The following LGR6 variants were observed in gnomAD, a reference collection of about 807,000 sequenced individuals.
The protein encoded by LGR6 is leucine-rich repeat-containing G protein-coupled receptor 6.
A neutral mutation model predicts 69.4 loss-of-function variants in LGR6; 45 were observed. The ratio of observed to expected loss-of-function variants is 0.65; its 90% CI spans 0.51 to 0.83. The LOEUF (loss-of-function observed/expected upper bound fraction) is 0.83. LGR6 is among the 40% of genes least tolerant of loss of function. LGR6 has a pLI of 0.00. For missense variants in LGR6, 1,108 were observed against 1,246.7 expected (o/e 0.89, Z 1.68); for synonymous variants, 538 against 555.0 (o/e 0.97, Z 0.43).
At position 202,230,874 on chromosome 1, in the gene LGR6, A is replaced by G. The variant is rs185573298; in HGVS notation, c.356+2867A>G. 1.2e-3 allele frequency among the ~76,000 whole-genome samples: 181 copies of G among 152,108 alleles called. 1 individual carries two copies. In the South Asian group the frequency reaches 0.021, roughly 17 times the overall value. ...TCCTGCTGGGCTTCAGTTGCTTCTT[A>G]CCAGGCCCAGATCTGGGAAACTGGG... On this transcript the variant is annotated intron_variant, in intron 3 of 17. Coordinates refer to ENST00000367278, the MANE Select transcript of LGR6 (RefSeq NM_001017403.2).
intron 1 of LGR6, among the ~76,000 whole-genome samples, chr1:202,204,374 C>CCA (rs763825102): frequency 3.3e-4 from 35 of 107,206 alleles, no homozygotes; most frequent in African/African-American, 1.0e-3. Flanking sequence ...ACACACACCT[C>CCA]CACACACACA....
In LGR6 at chr1:202,267,975, A is replaced by G. The variant is rs553469344; in HGVS notation, c.429-8331A>G. On this transcript the variant is annotated intron_variant, in intron 4 of 17. Coordinates refer to ENST00000367278, the MANE Select transcript of LGR6 (RefSeq NM_001017403.2). Reference sequence around the variant, plus strand: ...AGGGATGTGGGGGCAGTAGGGCTTTATGGAAGCCTTCATGAGACCATAAAG... The same window carrying G: ...AGGGATGTGGGGGCAGTAGGGCTTTGTGGAAGCCTTCATGAGACCATAAAG... 2.0e-5 allele frequency among the ~76,000 whole-genome samples: 3 copies of G among 152,296 alleles called. No individual in the cohort carries two copies. In the East Asian group the frequency reaches 5.8e-4, roughly 29 times the overall value.
chr1:202,236,474 C>G (rs1270286621), intron 4 of LGR6: 1 of 159,800 alleles, frequency 6.3e-6, no homozygotes, highest in Non-Finnish European at 1.4e-5. Flanking sequence ...CAGGGACTCA[C>G]AGGCCACCCA....
At position 202,193,889 on chromosome 1, in the gene LGR6, A is replaced by C; in HGVS notation, c.-101A>C. The C allele has an allele frequency of 4.2e-6, 3 of 719,730 alleles. No individual in the cohort carries two copies. Among genetic ancestry groups the C allele is most frequent in the Non-Finnish European group, 5.6e-6 (3 of 531,862 alleles). 44.6% of individuals were successfully genotyped at this position (719,730 alleles called of 1,614,324 possible). On this transcript the variant is annotated 5_prime_UTR_variant, in exon 1 of 18. Coordinates refer to ENST00000367278, the MANE Select transcript of LGR6 (RefSeq NM_001017403.2). ...CAATAGAGCCCCTGGGGCGGTCCCC[A>C]CCGACGGTGCAGCCCGCCGGGACCG...
intron 1 of LGR6, among the ~76,000 whole-genome samples, chr1:202,222,522 C>T (rs1660231846): frequency 6.6e-6 from 1 of 152,206 alleles, no homozygotes; most frequent in African/African-American, 2.4e-5. Context: ...GCTCCTTGAA[C>T]TCCCGCTGCG....
At chr1:202,303,193 G>A (rs931697559) in intron 9 of LGR6, 86 bp from the exon 10 acceptor site, 11 of 1,045,240 alleles carry the variant, frequency 1.1e-5, no homozygotes, top group Middle Eastern at 2.2e-4. Context: ...GAGGAGTCCC[G>A]GAGGGGAGAC....
chr1:202,318,719 G>C lies in LGR6; in HGVS notation c.2416G>C (p.Glu806Gln), dbSNP rs764891082. 1 of 1,613,508 alleles carries C rather than the reference G, an allele frequency of 6.2e-7. No individual in the cohort carries two copies. The highest frequency in any genetic ancestry group is 8.5e-7 in the Non-Finnish European group (1 of 1,180,002). ...GCTGGGCCTCTTCCCTGTCACGCCC[G>C]AGGCCGTCAAGTCTGTCCTGCTGGT... ...SMLGLFPVTP[E>Q]AVKSVLLVVL... The change falls in exon 18 of 18, where the codon GAG (glutamate) becomes CAG (glutamine). Residue 806 changes from glutamate (E) to glutamine (Q), a missense_variant. Glu to Gln is a conservative substitution (Grantham distance 29). Coordinates refer to ENST00000367278, the MANE Select transcript of LGR6 (RefSeq NM_001017403.2).
intron 4 of LGR6, among the ~76,000 whole-genome samples, chr1:202,248,220 G>A (rs1487833666): frequency 6.6e-6 from 1 of 152,184 alleles, no homozygotes; most frequent in African/African-American, 2.4e-5. Context: ...CGTCATGGAG[G>A]TCACTAAGTC....
chr1:202,317,341 T>G (rs1260888679), intron 17 of LGR6, among the ~76,000 whole-genome samples: 2 of 116,028 alleles, frequency 1.7e-5, no homozygotes, highest in African/African-American at 6.5e-5. Flanking sequence ...GTTTTTTTGT[T>G]TTTTTTTTGT....
At chr1:202,202,595 C>T (rs1028090309) in intron 1 of LGR6, among the ~76,000 whole-genome samples, 5 of 152,192 alleles carry the variant, frequency 3.3e-5, no homozygotes, top group African/African-American at 7.2e-5. Context: ...AATGGGCATA[C>T]GGAAAGATGT....
Position 202,285,466 on chromosome 1 carries a change from A to C in LGR6, c.716+4614A>C, listed in dbSNP as rs183520274. 5.9e-5 allele frequency among the ~76,000 whole-genome samples: 9 copies of C among 152,344 alleles called. 1 individual carries two copies. The highest frequency in any genetic ancestry group is 5.9e-4 in the Admixed American group (9 of 15,304). On this transcript the variant is annotated intron_variant, in intron 6 of 17. Transcript: ENST00000367278. ...GCATGTGACAGGTGCAAGTCACCTG[A>C]CTTCTCAAGAGCCTCGATTTCCACA...
chr1:202,231,033 T>C (rs1660990697), intron 3 of LGR6, among the ~76,000 whole-genome samples: 1 of 152,206 alleles, frequency 6.6e-6, no homozygotes, highest in African/African-American at 2.4e-5. Context: ...CCATGCCATC[T>C]TGATAAAGAC....
intron 6 of LGR6, among the ~76,000 whole-genome samples, chr1:202,285,035 G>A (rs943156733): frequency 6.6e-6 from 1 of 152,208 alleles, no homozygotes; most frequent in Non-Finnish European, 1.5e-5. Context: ...ATCAGGACCA[G>A]CATTCAACAG....
chr1:202,207,818 C>T (rs1659309677), intron 1 of LGR6, among the ~76,000 whole-genome samples: 2 of 152,208 alleles, frequency 1.3e-5, no homozygotes, highest in Admixed American at 1.3e-4. Flanking sequence ...CACACAGTAA[C>T]CATTCAATGG....
intron 5 of LGR6, among the ~76,000 whole-genome samples, chr1:202,278,676 C>T (rs1665775380): frequency 6.6e-6 from 1 of 151,950 alleles, no homozygotes; most frequent in Non-Finnish European, 1.5e-5. Flanking sequence ...TAGGAAGGCC[C>T]AAGAGGAAGG....
chr1:202,195,360 G>A (rs1324384094), intron 1 of LGR6, among the ~76,000 whole-genome samples: 1 of 152,206 alleles, frequency 6.6e-6, no homozygotes, highest in African/African-American at 2.4e-5. Context: ...GTCCTGGTGG[G>A]AGGTAGAGGG....
intron 4 of LGR6, among the ~76,000 whole-genome samples, chr1:202,243,828 C>T (rs1662408515): frequency 6.6e-6 from 1 of 152,086 alleles, no homozygotes; most frequent in Non-Finnish European, 1.5e-5. Context: ...TCTTGGGTCT[C>T]CTGAGCACTG....
intron 6 of LGR6, among the ~76,000 whole-genome samples, chr1:202,282,358 T>C (rs930222799): frequency 3.9e-5 from 6 of 152,102 alleles, no homozygotes; most frequent in African/African-American, 1.4e-4. Flanking sequence ...ACAGAGCAGA[T>C]CTAGGGTGCA....
At chr1:202,222,901 G>A (rs1348232918) in intron 1 of LGR6, among the ~76,000 whole-genome samples, 1 of 152,122 alleles carries the variant, frequency 6.6e-6, no homozygotes, top group African/African-American at 2.4e-5. Flanking sequence ...TCAGGAGTTC[G>A]AGACCAGCCT....
Sources: allele counts gnomAD v4.1 joint callset (sites outside exome capture counted in the v4.1 genomes callset), GRCh38; gene constraint gnomAD v4.1.1; transcripts MANE v1.5; gene names NCBI Gene and HGNC (gene_info 2026-07-23, HGNC 2026-07-21).